The following AKT3 variants were observed in gnomAD, a reference collection of about 807,000 sequenced individuals.
The protein encoded by AKT3 is RAC-gamma serine/threonine-protein kinase.
A neutral mutation model predicts 65.3 loss-of-function variants in AKT3; 15 were observed. That is an observed-to-expected ratio of 0.23 (90% CI 0.15 to 0.35). The LOEUF is 0.35. Ranked by LOEUF, AKT3 falls within the 10% of genes least tolerant of loss-of-function variation. The pLI is 1.00. For synonymous variants in AKT3, 206 were observed against 183.8 expected (o/e 1.12, Z -0.98); for missense variants, 243 against 576.5 (o/e 0.42, Z 5.92).
chr1:243,535,143 A>AATTTAAAAATAT (rs1671807044), intron 12 of AKT3, among the ~76,000 whole-genome samples: 1 of 141,608 alleles, frequency 7.1e-6, no homozygotes, highest in Non-Finnish European at 1.6e-5. Flanking sequence ...TAAAATTAAA[A>AATTTAAAAATAT]ATTTTAAAAT....
chr1:243,492,604 GTTTTTTT>G (rs74162289), intron 13 of AKT3, among the ~76,000 whole-genome samples: 1 of 58,866 alleles, frequency 1.7e-5, no homozygotes, highest in African/African-American at 6.9e-5. Flanking sequence ...GCGCCCAGCT[GTTTTTTT>G]TTTTTTTTTT....
At chr1:243,542,358 GT>G (rs942093118) in intron 12 of AKT3, among the ~76,000 whole-genome samples, 2 of 152,102 alleles carry the variant, frequency 1.3e-5, no homozygotes, top group African/African-American at 4.8e-5. Context: ...GTTCTTTCAT[GT>G]TTTGATACTG....
At chr1:243,822,020 C>T (rs754977075) in intron 2 of AKT3, among the ~76,000 whole-genome samples, 2 of 152,148 alleles carry the variant, frequency 1.3e-5, no homozygotes, top group Admixed American at 6.5e-5. Flanking sequence ...AAATCAATCA[C>T]GTAATTGGAA....
chr1:243,547,497 T>C (rs780420015), intron 11 of AKT3, among the ~76,000 whole-genome samples: 74 of 152,136 alleles, frequency 4.9e-4, no homozygotes, highest in Non-Finnish European at 4.3e-4. Flanking sequence ...AAATACGTCA[T>C]AGAAAACAAA....
At chr1:243,837,633 G>T (rs967458293) in intron 2 of AKT3, among the ~76,000 whole-genome samples, 1 of 151,756 alleles carries the variant, frequency 6.6e-6, no homozygotes, top group Non-Finnish European at 1.5e-5. Context: ...GAGAATAAAA[G>T]GAAAAAATCA....
chr1:243,575,225 T>A (rs1180192237), intron 8 of AKT3, among the ~76,000 whole-genome samples: 2 of 152,220 alleles, frequency 1.3e-5, no homozygotes, highest in African/African-American at 4.8e-5. Context: ...TTTGGTAATA[T>A]GACTCTCTCC....
chr1:243,572,541 C>T lies in AKT3; in HGVS notation c.819+385G>A, dbSNP rs111792390. Among the ~76,000 whole-genome samples, 108 of 152,154 alleles carry T rather than the reference C, an allele frequency of 7.1e-4. 1 individual carries two copies. The highest frequency in any genetic ancestry group is 1.3e-3 in the Admixed American group (20 of 15,280). The stretch of plus-strand genomic sequence containing the variant: ...AAATGCTTCAGGTATTTAAAACCAC[C>T]CAAAGTTAATGCTAAAATCAAAATG... On this transcript the variant is annotated intron_variant, in intron 9 of 13. Coordinates refer to ENST00000673466, the MANE Select transcript of AKT3 (RefSeq NM_005465.7).
chr1:243,713,760 A>T (rs1686308634), intron 2 of AKT3, among the ~76,000 whole-genome samples: 1 of 151,176 alleles, frequency 6.6e-6, no homozygotes, highest in Non-Finnish European at 1.5e-5. Context: ...AAAAAAAAAA[A>T]AAAAAAAAAA....
Position 243,627,698 on chromosome 1 carries a change from C to T in AKT3, c.561+9913G>A, listed in dbSNP as rs370611776. Among the ~76,000 whole-genome samples, 55 of 152,252 alleles carry T rather than the reference C, an allele frequency of 3.6e-4. No homozygotes were observed. The East Asian group carries it at 6.2e-3, about 17-fold the overall frequency. On this transcript the variant is annotated intron_variant, in intron 6 of 13. Coordinates refer to ENST00000673466, the MANE Select transcript of AKT3 (RefSeq NM_005465.7). ...GTCTAACCAAACTGTGAAATTCTTA[C>T]GAATAACCTGGGCAGGAACCACCCA... is the stretch of plus-strand genomic sequence containing the variant.
chr1:243,813,838 C>T (rs1389750178), intron 2 of AKT3, among the ~76,000 whole-genome samples: 2 of 152,206 alleles, frequency 1.3e-5, no homozygotes, highest in African/African-American at 4.8e-5. Context: ...GGCACAGTGA[C>T]TCACACCTGT....
intron 9 of AKT3, 86 bp from the exon 10 acceptor site, chr1:243,563,934 T>A: frequency 7.4e-7 from 1 of 1,353,262 alleles, no homozygotes; most frequent in Admixed American, 2.5e-5. Context: ...GAATGCTGAG[T>A]AAGGTATTTT....
chr1:243,550,610 C>G (rs955962140), intron 11 of AKT3, among the ~76,000 whole-genome samples: 1 of 151,796 alleles, frequency 6.6e-6, no homozygotes, highest in Non-Finnish European at 1.5e-5. Context: ...TAAATATTCA[C>G]TGCCTCGAAT....
At chr1:243,758,152 C>G (rs1689256586) in intron 2 of AKT3, among the ~76,000 whole-genome samples, 1 of 152,186 alleles carries the variant, frequency 6.6e-6, no homozygotes, top group African/African-American at 2.4e-5. Flanking sequence ...GTGCCAGACT[C>G]TCTGACAGGC....
chr1:243,739,930 T>C (rs1186230965), intron 2 of AKT3, among the ~76,000 whole-genome samples: 1 of 152,258 alleles, frequency 6.6e-6, no homozygotes, highest in Non-Finnish European at 1.5e-5. Context: ...CAAGCTCTTG[T>C]GAGGGTAAGA....
intron 2 of AKT3, among the ~76,000 whole-genome samples, chr1:243,818,476 T>C (rs1028891851): frequency 1.3e-5 from 2 of 152,148 alleles, no homozygotes; most frequent in African/African-American, 2.4e-5. Context: ...AAAAACTAGA[T>C]ACAAACATGC....
At chr1:243,510,881 A>G (rs1278184141) in intron 13 of AKT3, among the ~76,000 whole-genome samples, 1 of 152,254 alleles carries the variant, frequency 6.6e-6, no homozygotes, top group East Asian at 1.9e-4. Context: ...TATGGCAGGA[A>G]CTGCCCATGG....
chr1:243,582,403 A>T (rs1304238330), intron 8 of AKT3, among the ~76,000 whole-genome samples: 1 of 150,928 alleles, frequency 6.6e-6, no homozygotes, highest in Non-Finnish European at 1.5e-5. Flanking sequence ...CTCAGCAGAA[A>T]CCTTACCAGC....
chr1:243,619,546 T>A lies in AKT3; in HGVS notation c.562-4385A>T, dbSNP rs1380450954. ...CTAGGAACAACCAATCTACTGTCTATCTTGATGCAATCCCGTTTTTTAGCT... is the reference window on the plus strand; with the variant it reads ...CTAGGAACAACCAATCTACTGTCTAACTTGATGCAATCCCGTTTTTTAGCT... On this transcript the variant is annotated intron_variant, in intron 6 of 13. Transcript: ENST00000673466. Among the ~76,000 whole-genome samples the A allele has an allele frequency of 3.0e-4, 19 of 64,406 alleles. 8 individuals carry two copies. The highest frequency in any genetic ancestry group is 0.018 in the Middle Eastern group (2 of 110). 42.3% of individuals were successfully genotyped at this position (64,406 alleles called of 152,430 possible). A position where few individuals can be genotyped will look rare whatever the true frequency, so the allele number is the denominator to read the frequency against.
chr1:243,501,741 CCAA>C lies in AKT3; in HGVS notation c.*3505_*3507del, dbSNP rs1281550685. The C allele has an allele frequency of 9.9e-5, 23 of 232,984 alleles. No individual in the cohort carries two copies. In the South Asian group the frequency reaches 2.0e-3, roughly 20 times the overall value. The allele number at this position is 232,984 out of a possible 1,614,324, so 14.4% of individuals were successfully genotyped here. A position where few individuals can be genotyped will look rare whatever the true frequency, so the allele number is the denominator to read the frequency against. On this transcript the variant is annotated 3_prime_UTR_variant, in exon 14 of 14. Transcript: ENST00000673466. ...ATTTGGGGGGATTATAGAACCACAT[CCAA>C]CAACAATAAACAGAGAAGTAGCAGA... is the stretch of plus-strand genomic sequence containing the variant.
Sources: gnomAD v4.1 joint callset for allele counts (sites outside exome capture counted in the v4.1 genomes callset) on GRCh38, gnomAD v4.1.1 for gene constraint, MANE v1.5 for transcripts, NCBI Gene and HGNC (gene_info 2026-07-23, HGNC 2026-07-21) for gene names.